ADCY10: variants seen among roughly 807,000 people sequenced by gnomAD.
ADCY10 encodes adenylate cyclase type 10.
In ADCY10, 156 loss-of-function variants were observed where a neutral mutation model predicts 183.3. That is an observed-to-expected ratio of 0.85 (90% CI 0.75 to 0.97). The LOEUF (loss-of-function observed/expected upper bound fraction) is 0.97. Ranked by LOEUF, ADCY10 falls within the 50% of genes least tolerant of loss-of-function variation. ADCY10 has a pLI of 0.00. For missense variants in ADCY10, 1,745 were observed against 1,934.3 expected, an observed-to-expected ratio of 0.90 and a Z score of 1.84; for synonymous variants, 645 against 670.0, an observed-to-expected ratio of 0.96 and a Z score of 0.58.
At chr1:167,907,166 A>G (rs537728047) in intron 1 of ADCY10, among the ~76,000 whole-genome samples, 2 of 152,340 alleles carry the variant, frequency 1.3e-5, no homozygotes, top group East Asian at 3.9e-4. Flanking sequence ...TCAAAAAACC[A>G]TGGAGAACAA....
Position 167,859,875 on chromosome 1 carries a change from T to C in ADCY10, c.1828A>G (p.Ile610Val), listed in dbSNP as rs1187496399. The stretch of plus-strand genomic sequence containing the variant: ...TTTTTCAAGGTGCTCATCCTGGAAA[T>C]CTCCCGAGAAATAGGGAACTGTACA... ...FHVQFPISRE[I>V]SRMSTLKKQK... The change falls in exon 16 of 33, where the codon ATT (isoleucine) becomes GTT (valine). Residue 610 changes from isoleucine (I) to valine (V), a missense_variant. Transcript: ENST00000367851. 1.9e-6 allele frequency: 3 copies of C among 1,611,966 alleles called. No individual in the cohort carries two copies. Among genetic ancestry groups the C allele is most frequent in the East Asian group, 4.5e-5 (2 of 44,870 alleles).
intron 9 of ADCY10, among the ~76,000 whole-genome samples, chr1:167,883,061 G>C (rs203851): frequency 6.6e-6 from 1 of 152,136 alleles, no homozygotes; most frequent in East Asian, 1.9e-4. Flanking sequence ...TAGTTGAGAC[G>C]GAGTCTCACG....
chr1:167,858,428 G>A (rs535211948), intron 16 of ADCY10, among the ~76,000 whole-genome samples: 239 of 150,498 alleles, frequency 1.6e-3, no homozygotes, highest in African/African-American at 5.6e-3. Context: ...AACCTGGGAG[G>A]TGGAGGTCTC....
At chr1:167,860,021 C>A in intron 15 of ADCY10, 128 bp from the exon 16 acceptor site, 1 of 768,546 alleles carries the variant, frequency 1.3e-6, no homozygotes, top group East Asian at 2.5e-5. Context: ...TAAGTGGTCC[C>A]AACCTTTTTG....
chr1:167,891,003 C>T (rs1364433259), intron 8 of ADCY10, among the ~76,000 whole-genome samples: 1 of 152,004 alleles, frequency 6.6e-6, no homozygotes, highest in East Asian at 1.9e-4. Context: ...GCTCTGTCAC[C>T]CAGGCTGGAG....
In ADCY10 at chr1:167,870,160, G is replaced by A. The variant is rs953789988; in HGVS notation, c.1616+97C>T. 9 of 1,349,908 alleles carry A rather than the reference G, an allele frequency of 6.7e-6. No homozygotes were observed. In the African/African-American group the frequency reaches 1.1e-4, roughly 17 times the overall value. The allele number at this position is 1,349,908 out of a possible 1,614,324, so 83.6% of individuals were successfully genotyped here. On this transcript the variant is annotated intron_variant, in intron 14 of 32. Transcript: ENST00000367851. Reference sequence around the variant, plus strand: ...TGGCATCCAATAATTGTAGGTTATAGATAATTTACATAAGGCAAGTTATAG... The same window carrying A: ...TGGCATCCAATAATTGTAGGTTATAAATAATTTACATAAGGCAAGTTATAG...
At chr1:167,903,864 C>T in intron 3 of ADCY10, 23 bp downstream of exon 3, 1 of 1,547,274 alleles carries the variant, frequency 6.5e-7, no homozygotes, top group Non-Finnish European at 8.9e-7. Flanking sequence ...ATTCTCAAGC[C>T]AGAAACCTAT....
At chr1:167,889,728 T>C (rs1407216511) in intron 8 of ADCY10, among the ~76,000 whole-genome samples, 2 of 152,206 alleles carry the variant, frequency 1.3e-5, no homozygotes, top group Admixed American at 6.5e-5. Flanking sequence ...TATTTATCTG[T>C]TCAGGTTTTA....
At chr1:167,823,565 A>G (rs1221251932) in intron 28 of ADCY10, among the ~76,000 whole-genome samples, 2 of 152,012 alleles carry the variant, frequency 1.3e-5, no homozygotes, top group Non-Finnish European at 2.9e-5. Flanking sequence ...AAATCTCAGA[A>G]TTCACCTCTA....
At position 167,836,344 on chromosome 1, in the gene ADCY10, C is replaced by G; in HGVS notation, c.3274G>C (p.Ala1092Pro). 1 of 1,613,914 alleles carries G rather than the reference C, an allele frequency of 6.2e-7. No individual in the cohort carries two copies. Among genetic ancestry groups the G allele is most frequent in the South Asian group, 1.1e-5 (1 of 91,060 alleles). The part of the protein sequence containing the change: ...DKALYYFLEI[A>P]SAYLIFCDNY... ...TCACAAAAGATGAGATAAGCAGATG[C>G]AATTTCTAAGAAGTAATATAAGGCT... Residue 1092 changes from alanine to proline, a missense_variant, in exon 23 of 33, where the codon GCA (alanine) becomes CCA (proline). Ala to Pro is a conservative substitution (Grantham distance 27). Transcript: ENST00000367851.
Position 167,865,380 on chromosome 1 carries a change from A to G in ADCY10, c.1617-4317T>C, listed in dbSNP as rs904662389. Among the ~76,000 whole-genome samples, 3 of 152,348 alleles carry G rather than the reference A, an allele frequency of 2.0e-5. No individual in the cohort carries two copies. The East Asian group carries it at 5.8e-4, about 29-fold the overall frequency. On this transcript the variant is annotated intron_variant, in intron 14 of 32. Transcript: ENST00000367851. ...AACTGGACATTAAAGTAAAAATGCA[A>G]CAGGTTTTTCTTGAAGCACCAACCT...
At chr1:167,901,575 A>T in intron 5 of ADCY10, 87 bp downstream of exon 5, 1 of 1,348,648 alleles carries the variant, frequency 7.4e-7, no homozygotes, top group Non-Finnish European at 1.1e-6. Context: ...ACCATGTTCT[A>T]CTACTTCTCT....
At chr1:167,836,265 G>T in intron 23 of ADCY10, 44 bp downstream of exon 23, 2 of 1,329,708 alleles carry the variant, frequency 1.5e-6, no homozygotes, top group South Asian at 1.2e-5. Flanking sequence ...TATGTTCTAT[G>T]AATTGTCTCT....
At chr1:167,902,448 A>G (rs527541390) in intron 3 of ADCY10, among the ~76,000 whole-genome samples, 68 of 152,266 alleles carry the variant, frequency 4.5e-4, no homozygotes, top group Non-Finnish European at 8.5e-4. Flanking sequence ...AGGACTCCAC[A>G]AAAACTAGGA....
intron 29 of ADCY10, among the ~76,000 whole-genome samples, chr1:167,822,608 CT>C (rs1364721021): frequency 6.6e-6 from 1 of 152,130 alleles, no homozygotes; most frequent in Non-Finnish European, 1.5e-5. Context: ...TCACCAATAG[CT>C]ACCAGCCTGG....
intron 31 of ADCY10, among the ~76,000 whole-genome samples, chr1:167,814,732 A>C (rs1662421034): frequency 6.6e-6 from 1 of 152,220 alleles, no homozygotes; most frequent in Non-Finnish European, 1.5e-5. Flanking sequence ...TGGAGGGCAG[A>C]CATGGATACA....
At chr1:167,868,033 T>C (rs1187059910) in intron 14 of ADCY10, among the ~76,000 whole-genome samples, 1 of 152,032 alleles carries the variant, frequency 6.6e-6, no homozygotes, top group Non-Finnish European at 1.5e-5. Flanking sequence ...TGGGCGTCGA[T>C]AAAAAAGGAC....
chr1:167,840,123 T>C (rs981142427), intron 21 of ADCY10, among the ~76,000 whole-genome samples: 2 of 151,704 alleles, frequency 1.3e-5, no homozygotes, highest in African/African-American at 2.4e-5. Context: ...TCCCACCTAC[T>C]TGGGAGTCTG....
chr1:167,878,475 C>G lies in ADCY10; in HGVS notation c.1377G>C (p.Leu459Phe). 6.2e-7 allele frequency: 1 copy of G among 1,614,114 alleles called. No individual in the cohort carries two copies. Among genetic ancestry groups the G allele is most frequent in the Non-Finnish European group, 8.5e-7 (1 of 1,180,036 alleles). ...VMKGVADSGP[L>F]YQYWGRTEKV... ...TCTCAGTACGGCCCCAATACTGATA[C>G]AATGGTCCAGAATCTGCAACACCTT... The change falls in exon 12 of 33, where the codon TTG becomes TTC. Residue 459 changes from leucine (L) to phenylalanine (F), a missense_variant. Physicochemically the swap from Leu to Phe is conservative, Grantham distance 22. Coordinates refer to ENST00000367851, the MANE Select transcript of ADCY10 (RefSeq NM_018417.6).
Sources: allele counts gnomAD v4.1 joint callset (sites outside exome capture counted in the v4.1 genomes callset), GRCh38; gene constraint gnomAD v4.1.1; transcripts MANE v1.5; gene names NCBI Gene and HGNC (gene_info 2026-07-23, HGNC 2026-07-21).